SLC9A9: variants seen among roughly 807,000 people sequenced by gnomAD.
SLC9A9 encodes the protein solute carrier family 9 member A9, also known as sodium/hydrogen exchanger 9.
SLC9A9 carries 62 observed loss-of-function variants against 77.8 expected under a neutral mutation model. The ratio of observed to expected loss-of-function variants is 0.80; its 90% CI spans 0.65 to 0.98. The LOEUF is 0.98. Among genes scored for constraint, SLC9A9 ranks in the 50% least tolerant of loss-of-function variants. The pLI is 0.00. For missense variants in SLC9A9, 775 were observed against 774.9 expected, an observed-to-expected ratio of 1.00 and a Z score of 0.00; for synonymous variants, 320 against 283.5, an observed-to-expected ratio of 1.13 and a Z score of -1.29.
intron 5 of SLC9A9, among the ~76,000 whole-genome samples, chr3:143,653,757 A>G (rs2038840548): frequency 6.6e-6 from 1 of 152,202 alleles, no homozygotes; most frequent in African/African-American, 2.4e-5. Flanking sequence ...GAGTTGTACC[A>G]GGACAGGAAG....
intron 2 of SLC9A9, among the ~76,000 whole-genome samples, chr3:143,798,657 C>T (rs963830000): frequency 3.3e-5 from 5 of 152,158 alleles, no homozygotes; most frequent in Non-Finnish European, 7.3e-5. Flanking sequence ...GACAGTGGTT[C>T]CAAACAGCCA....
At chr3:143,757,651 C>A (rs912729709) in intron 4 of SLC9A9, among the ~76,000 whole-genome samples, 1 of 152,110 alleles carries the variant, frequency 6.6e-6, no homozygotes, top group South Asian at 2.1e-4. Context: ...ACATCTCAAA[C>A]GTGTGCCTGC....
chr3:143,586,557 T>G (rs1240137912), intron 6 of SLC9A9, among the ~76,000 whole-genome samples: 2 of 152,032 alleles, frequency 1.3e-5, no homozygotes, highest in African/African-American at 2.4e-5. Flanking sequence ...CTTTATGCCT[T>G]AAAAAAAAGA....
intron 2 of SLC9A9, among the ~76,000 whole-genome samples, chr3:143,801,628 C>T (rs2008563086): frequency 6.6e-6 from 1 of 152,256 alleles, no homozygotes; most frequent in Non-Finnish European, 1.5e-5. Flanking sequence ...TGTTCCTCAC[C>T]CTGATCACAT....
intron 14 of SLC9A9, among the ~76,000 whole-genome samples, chr3:143,295,429 A>G (rs1481078735): frequency 3.3e-5 from 5 of 152,224 alleles, no homozygotes; most frequent in Non-Finnish European, 7.3e-5. Flanking sequence ...CCGTTCCAGT[A>G]ATCAGGTCTA....
intron 8 of SLC9A9, among the ~76,000 whole-genome samples, chr3:143,554,514 G>GC (rs1337359317): frequency 6.6e-6 from 1 of 152,060 alleles, no homozygotes; most frequent in African/African-American, 2.4e-5. Context: ...CCCTTTCCAA[G>GC]CCCCCATAAC....
intron 14 of SLC9A9, among the ~76,000 whole-genome samples, chr3:143,296,645 A>T (rs913508814): frequency 2.0e-5 from 3 of 152,176 alleles, no homozygotes; most frequent in Non-Finnish European, 4.4e-5. Context: ...TTACATTCTC[A>T]CCAACACTGT....
chr3:143,553,719 CT>C (rs1186601170), intron 8 of SLC9A9, among the ~76,000 whole-genome samples: 2 of 152,110 alleles, frequency 1.3e-5, no homozygotes, highest in African/African-American at 2.4e-5. Context: ...TAACATTATG[CT>C]TCAAAATTTT....
rs1231784145 is a variant in SLC9A9 at position 143,346,624 on chromosome 3, CT to C, written c.1604+16859del. On this transcript the variant is annotated intron_variant, in intron 14 of 15. Coordinates refer to ENST00000316549, the MANE Select transcript of SLC9A9 (RefSeq NM_173653.4). ...CCAACATGGTGAAACCCCATCTCTA[CT>C]CAAAATACAAAAAATTAGCTAGCTG... Among the ~76,000 whole-genome samples the C allele has an allele frequency of 5.3e-5, 8 of 152,116 alleles. No individual in the cohort carries two copies. The East Asian group carries it at 1.5e-3, about 29-fold the overall frequency.
At chr3:143,670,769 T>G (rs964001964) in intron 5 of SLC9A9, among the ~76,000 whole-genome samples, 3 of 152,230 alleles carry the variant, frequency 2.0e-5, no homozygotes, top group African/African-American at 7.2e-5. Context: ...TACCTCCCTC[T>G]TTAGACTGGG....
At chr3:143,283,639 T>C (rs572942791) in intron 14 of SLC9A9, among the ~76,000 whole-genome samples, 17 of 152,312 alleles carry the variant, frequency 1.1e-4, no homozygotes, top group African/African-American at 3.6e-4. Context: ...AGTTGCAAGA[T>C]TAAATGAATG....
chr3:143,492,785 C>G (rs540702504), intron 11 of SLC9A9, among the ~76,000 whole-genome samples: 1 of 152,238 alleles, frequency 6.6e-6, no homozygotes, highest in South Asian at 2.1e-4. Flanking sequence ...CCCCTATGTA[C>G]CCTAAATTGT....
At chr3:143,283,996 GGTA>G (rs1419335500) in intron 14 of SLC9A9, among the ~76,000 whole-genome samples, 1 of 151,284 alleles carries the variant, frequency 6.6e-6, no homozygotes, top group Non-Finnish European at 1.5e-5. Context: ...ATAATGTTTT[GGTA>G]GTTTGTTGTG....
At chr3:143,393,241 ACTGT>A (rs1339045502) in intron 12 of SLC9A9, among the ~76,000 whole-genome samples, 7 of 152,150 alleles carry the variant, frequency 4.6e-5, no homozygotes, top group South Asian at 4.1e-4. Context: ...ATTATAACAA[ACTGT>A]CTATCAGTTT....
rs556233403 is a variant in SLC9A9 at position 143,526,032 on chromosome 3, G to T, written c.1089+26330C>A. Reference sequence around the variant, plus strand: ...AATTGTCCTTGAGTCTTATTACTCTGTTTTACATCTATGAATATACTATGC... The same window carrying T: ...AATTGTCCTTGAGTCTTATTACTCTTTTTTACATCTATGAATATACTATGC... On this transcript the variant is annotated intron_variant, in intron 9 of 15. Coordinates refer to ENST00000316549, the MANE Select transcript of SLC9A9 (RefSeq NM_173653.4). 2.6e-5 allele frequency among the ~76,000 whole-genome samples: 4 copies of T among 152,282 alleles called. No homozygotes were observed. In the East Asian group the frequency reaches 7.7e-4, roughly 29 times the overall value.
At chr3:143,274,557 C>T (rs749843127) in intron 14 of SLC9A9, among the ~76,000 whole-genome samples, 30 of 152,154 alleles carry the variant, frequency 2.0e-4, no homozygotes, top group Non-Finnish European at 4.0e-4. Flanking sequence ...CGGCTAATTT[C>T]AAGCTACTGA....
At chr3:143,769,734 G>C (rs1261390902) in intron 4 of SLC9A9, among the ~76,000 whole-genome samples, 1 of 152,148 alleles carries the variant, frequency 6.6e-6, no homozygotes, top group Non-Finnish European at 1.5e-5. Context: ...GGTCAATAAA[G>C]TACAGCAATT....
At chr3:143,339,130 G>C (rs1419781575) in intron 14 of SLC9A9, among the ~76,000 whole-genome samples, 1 of 152,086 alleles carries the variant, frequency 6.6e-6, no homozygotes, top group African/African-American at 2.4e-5. Flanking sequence ...ATGGAATTTT[G>C]GTTTCTTTGT....
In SLC9A9 at chr3:143,798,325, G is replaced by C. The variant is rs56255055; in HGVS notation, c.379-1422C>G. Among the ~76,000 whole-genome samples, 957 of 152,298 alleles carry C rather than the reference G, an allele frequency of 6.3e-3. 1 individual carries two copies. The highest frequency in any genetic ancestry group is 0.019 in the South Asian group (90 of 4,816). On this transcript the variant is annotated intron_variant, in intron 2 of 15. Coordinates refer to ENST00000316549, the MANE Select transcript of SLC9A9 (RefSeq NM_173653.4). ...TTAATCACTGTGGGGATGCCTGCCTGATTATTCACCCACATTCCATTGGTG... is the reference window on the plus strand; with the variant it reads ...TTAATCACTGTGGGGATGCCTGCCTCATTATTCACCCACATTCCATTGGTG...
Sources: allele counts gnomAD v4.1 joint callset (sites outside exome capture counted in the v4.1 genomes callset), GRCh38; gene constraint gnomAD v4.1.1; transcripts MANE v1.5; gene names NCBI Gene and HGNC (gene_info 2026-07-23, HGNC 2026-07-21).